Variants in CEP85L observed in about 807,000 individuals in gnomAD.
The protein encoded by CEP85L is centrosomal protein 85L, also known as centrosomal protein of 85 kDa-like.
Under a neutral mutation model 100.3 loss-of-function variants are expected in CEP85L, and 60 were observed. The ratio of observed to expected loss-of-function variants is 0.60; its 90% confidence interval spans 0.49 to 0.74. The LOEUF is 0.74. CEP85L is among the 30% of genes least tolerant of loss of function. The pLI, the probability that CEP85L is intolerant of heterozygous loss-of-function variation, is 0.00. For synonymous variants in CEP85L, 319 were observed against 322.7 expected (o/e 0.99, Z 0.12); for missense variants, 973 against 936.2 (o/e 1.04, Z -0.51).
chr6:118,467,602 G>A (rs1396584942), intron 12 of CEP85L, among the ~76,000 whole-genome samples: 1 of 152,176 alleles, frequency 6.6e-6, no homozygotes, highest in African/African-American at 2.4e-5. Flanking sequence ...GGCGTGGTAA[G>A]ATTCACATTA....
chr6:118,469,181 C>G lies in CEP85L; in HGVS notation c.2145G>C (p.Leu715=), dbSNP rs1429767807. ...PLFDLTVIDQ[L]FKEMSCCLFD... Reference sequence around the variant, plus strand: ...ACAAACAACAGGACATTTCCTTGAACAGCTGATCAATCACAGTCAAATCAA... The same window carrying G: ...ACAAACAACAGGACATTTCCTTGAAGAGCTGATCAATCACAGTCAAATCAA... Residue 715 remains leucine (L), a synonymous_variant, in exon 12 of 13, where the codon CTG becomes CTC. Transcript: ENST00000368491. 1 of 1,614,036 alleles carries G rather than the reference C, an allele frequency of 6.2e-7. No homozygotes were observed. Among genetic ancestry groups the G allele is most frequent in the Non-Finnish European group, 8.5e-7 (1 of 1,179,910 alleles).
intron 2 of CEP85L, among the ~76,000 whole-genome samples, chr6:118,614,865 C>CAGATAGAT (rs57663206): frequency 0.026 from 3,933 of 149,914 alleles, 76 homozygotes; most frequent in East Asian, 0.04. Flanking sequence ...GACAGACAGA[C>CAGATAGAT]AGATAGATAG....
intron 3 of CEP85L, chr6:118,559,372 T>C (rs890794869): frequency 8.4e-5 from 33 of 392,838 alleles, no homozygotes; most frequent in South Asian, 8.0e-4. Flanking sequence ...AAATCTTTTC[T>C]GAAGATGAAG....
intron 2 of CEP85L, among the ~76,000 whole-genome samples, chr6:118,597,924 A>G (rs981653893): frequency 2.6e-5 from 4 of 152,192 alleles, no homozygotes; most frequent in African/African-American, 9.7e-5. Flanking sequence ...CCAGGTTAAT[A>G]CCGTAATACT....
Position 118,481,982 on chromosome 6 carries a change from C to T in CEP85L, c.1591-49G>A, listed in dbSNP as rs560233838. ...CATTACACATGAAATATTAAATACG[C>T]TTCTATTAGAAACTGTTACTGTGTT... On this transcript the variant is annotated intron_variant, in intron 7 of 12. Transcript: ENST00000368491. The T allele has an allele frequency of 9.9e-5, 116 of 1,174,082 alleles. No individual in the cohort carries two copies. The South Asian group carries it at 2.0e-3, about 20-fold the overall frequency. 72.7% of individuals were successfully genotyped at this position (1,174,082 alleles called of 1,614,324 possible). A position where few individuals can be genotyped will look rare whatever the true frequency, so the allele number is the denominator to read the frequency against.
intron 11 of CEP85L, among the ~76,000 whole-genome samples, chr6:118,470,092 A>G (rs1772832830): frequency 6.6e-6 from 1 of 152,100 alleles, no homozygotes; most frequent in African/African-American, 2.4e-5. Context: ...TCGGTGCGAG[A>G]GACAAAGAAA....
At chr6:118,596,189 A>C (rs964564971) in intron 2 of CEP85L, among the ~76,000 whole-genome samples, 3 of 151,850 alleles carry the variant, frequency 2.0e-5, no homozygotes, top group Non-Finnish European at 4.4e-5. Context: ...AAATTATATA[A>C]TCAAAGACCA....
chr6:118,528,888 T>C (rs1357520779), intron 3 of CEP85L, among the ~76,000 whole-genome samples: 3 of 152,196 alleles, frequency 2.0e-5, no homozygotes, highest in Non-Finnish European at 4.4e-5. Flanking sequence ...TTTTGCATTC[T>C]CTATAAACAA....
At chr6:118,567,606 T>C (rs1779629362) in intron 2 of CEP85L, among the ~76,000 whole-genome samples, 1 of 152,136 alleles carries the variant, frequency 6.6e-6, no homozygotes, top group Non-Finnish European at 1.5e-5. Flanking sequence ...CAATTTAAAT[T>C]GGTGTGTGGG....
At chr6:118,706,029 T>G (rs1037808701) in intron 1 of CEP85L, among the ~76,000 whole-genome samples, 1 of 152,202 alleles carries the variant, frequency 6.6e-6, no homozygotes, top group African/African-American at 2.4e-5. Flanking sequence ...ATTTGGGAGC[T>G]GCTTCTTAAG....
intron 3 of CEP85L, among the ~76,000 whole-genome samples, chr6:118,535,702 T>C (rs1229932783): frequency 6.6e-6 from 1 of 152,154 alleles, no homozygotes; most frequent in African/African-American, 2.4e-5. Flanking sequence ...GCCATCTTGG[T>C]TAAAGGACCA....
intron 3 of CEP85L, among the ~76,000 whole-genome samples, chr6:118,544,774 T>C (rs1325317449): frequency 1.3e-5 from 2 of 152,168 alleles, no homozygotes; most frequent in Non-Finnish European, 2.9e-5. Context: ...CCCTAAGCTT[T>C]ATAGGTTACT....
At chr6:118,584,684 T>C (rs546386522) in intron 2 of CEP85L, among the ~76,000 whole-genome samples, 3 of 152,308 alleles carry the variant, frequency 2.0e-5, no homozygotes, top group African/African-American at 4.8e-5. Flanking sequence ...GAACTTGAGT[T>C]GGTGGCTAAA....
At chr6:118,652,733 T>G (rs950990805), upstream of CEP85L, 1 of 1,546,312 alleles carries the variant, frequency 6.5e-7, no homozygotes, top group African/African-American at 1.4e-5. Flanking sequence ...GATTGGAGTT[T>G]TACATTTAGT....
chr6:118,682,771 GCACACACA>G (rs201043236), intron 1 of CEP85L, among the ~76,000 whole-genome samples: 50,578 of 138,088 alleles, frequency 0.37, 8,888 homozygotes, highest in Middle Eastern at 0.44. Context: ...GCCTGAGCAT[GCACACACA>G]CACACACACA....
intron 1 of CEP85L, among the ~76,000 whole-genome samples, chr6:118,704,492 A>G (rs1407852687): frequency 6.6e-6 from 1 of 152,082 alleles, no homozygotes. Context: ...GTTTTGAGAC[A>G]AAGTCTTGCA....
intron 1 of CEP85L, among the ~76,000 whole-genome samples, chr6:118,658,462 A>G (rs903184049): frequency 6.6e-5 from 10 of 152,170 alleles, no homozygotes; most frequent in African/African-American, 2.2e-4. Flanking sequence ...TTTTAACACA[A>G]TAGAGTTACT....
chr6:118,537,930 T>C, intron 3 of CEP85L: 1 of 979,812 alleles, frequency 1.0e-6, no homozygotes, highest in Non-Finnish European at 1.2e-6. Context: ...TGTTTTCTGG[T>C]AAGAGTCATA....
At chr6:118,542,366 C>A (rs1397418300) in intron 3 of CEP85L, among the ~76,000 whole-genome samples, 1 of 151,916 alleles carries the variant, frequency 6.6e-6, no homozygotes, top group Non-Finnish European at 1.5e-5. Flanking sequence ...TAATAGAGTG[C>A]CTGACAACCA....
Sources: allele counts gnomAD v4.1 joint callset (sites outside exome capture counted in the v4.1 genomes callset), GRCh38; gene constraint gnomAD v4.1.1; transcripts MANE v1.5; gene names NCBI Gene and HGNC (gene_info 2026-07-23, HGNC 2026-07-21).